Variants in NFILZ observed in about 807,000 individuals in gnomAD.
NFILZ encodes the protein NFIL3 like basic leucine zipper, also known as NFIL3 like protein.
intron 3 of NFILZ, among the ~76,000 whole-genome samples, chr19:8,670,966 G>A (rs186971261): frequency 1.0e-3 from 145 of 145,634 alleles, no homozygotes; most frequent in African/African-American, 3.5e-3. Flanking sequence ...CTGCACTCCA[G>A]CCTGGGTGAC....
intron 3 of NFILZ, among the ~76,000 whole-genome samples, chr19:8,659,296 T>C (rs1036196289): frequency 6.6e-6 from 1 of 152,016 alleles, no homozygotes; most frequent in Non-Finnish European, 1.5e-5. Context: ...AATGAAATAA[T>C]TACACAGATA....
At position 8,670,399 on chromosome 19, in the gene NFILZ, G is replaced by A. The variant is rs146796107; in HGVS notation, c.-163-4152G>A. The stretch of plus-strand genomic sequence containing the variant: ...TTATGGGTGTGAGCCATTGCACCTG[G>A]CCCCATATTTTTTAGAATAAACCAT... On this transcript the variant is annotated intron_variant, in intron 3 of 5. Coordinates refer to ENST00000691075, the MANE Select transcript of NFILZ (RefSeq NM_001378600.1). 5.0e-3 allele frequency among the ~76,000 whole-genome samples: 754 copies of A among 152,222 alleles called. 3 individuals carry two copies. Among genetic ancestry groups the A allele is most frequent in the African/African-American group, 0.017 (726 of 41,526 alleles).
chr19:8,632,278 G>GTGTGTGTC (rs537843301), intron 1 of NFILZ, among the ~76,000 whole-genome samples, 198 bp from the exon 2 acceptor site: 47 of 148,692 alleles, frequency 3.2e-4, no homozygotes, highest in African/African-American at 1.1e-3. Flanking sequence ...GTGTGTGTCA[G>GTGTGTGTC]GGGGTTATTT....
chr19:8,667,161 C>CAAGGA (rs1244896351), intron 3 of NFILZ, among the ~76,000 whole-genome samples: 3 of 152,022 alleles, frequency 2.0e-5, no homozygotes, highest in Admixed American at 6.6e-5. Flanking sequence ...CCTTACAATG[C>CAAGGA]AAGGAAAGAA....
intron 3 of NFILZ, among the ~76,000 whole-genome samples, chr19:8,660,169 T>C (rs1555748928): frequency 6.6e-6 from 1 of 152,186 alleles, no homozygotes; most frequent in Non-Finnish European, 1.5e-5. Flanking sequence ...CAAACCCACC[T>C]GTGACTAGCT....
intron 3 of NFILZ, among the ~76,000 whole-genome samples, chr19:8,641,551 TC>T (rs1176050073): frequency 4.6e-5 from 7 of 152,314 alleles, no homozygotes; most frequent in African/African-American, 1.7e-4. Flanking sequence ...GTTCATAACC[TC>T]TGATCTAGCT....
At chr19:8,639,140 G>A (rs1183371918) in intron 3 of NFILZ, among the ~76,000 whole-genome samples, 1 of 151,804 alleles carries the variant, frequency 6.6e-6, no homozygotes, top group Non-Finnish European at 1.5e-5. Flanking sequence ...CACTGAGCCC[G>A]GCCTACTTGG....
chr19:8,664,529 C>T (rs2043052965), intron 3 of NFILZ, among the ~76,000 whole-genome samples: 2 of 152,118 alleles, frequency 1.3e-5, no homozygotes, highest in Non-Finnish European at 2.9e-5. Flanking sequence ...TGCATTTTCC[C>T]CTTGAAGACT....
At chr19:8,641,421 T>C (rs1418903659) in intron 3 of NFILZ, among the ~76,000 whole-genome samples, 2 of 152,194 alleles carry the variant, frequency 1.3e-5, no homozygotes, top group African/African-American at 4.8e-5. Flanking sequence ...TAAAGACCAC[T>C]GCTGGCCCAT....
At chr19:8,645,639 G>A (rs1484749254) in intron 3 of NFILZ, among the ~76,000 whole-genome samples, 1 of 152,192 alleles carries the variant, frequency 6.6e-6, no homozygotes, top group Non-Finnish European at 1.5e-5. Flanking sequence ...TTTCTTGGGA[G>A]CAATTGAAAG....
chr19:8,637,668 A>G (rs2042900756), intron 3 of NFILZ, among the ~76,000 whole-genome samples: 1 of 148,978 alleles, frequency 6.7e-6, no homozygotes, highest in South Asian at 2.1e-4. Flanking sequence ...GCACTTTGGG[A>G]GGCTGAGGCA....
Position 8,679,383 on chromosome 19 carries a change from C to T in NFILZ, c.*1748C>T, listed in dbSNP as rs1482487382. 6.6e-6 allele frequency among the ~76,000 whole-genome samples: 1 copy of T among 151,914 alleles called. No individual in the cohort carries two copies. The highest frequency in any genetic ancestry group is 2.4e-5 in the African/African-American group (1 of 41,304). ...GGGAGAGCTCATGGGATGGGGGGCT[C>T]ATCTGGACTGGTACTGACACTGAGA... On this transcript the variant is annotated 3_prime_UTR_variant, in exon 6 of 6. Transcript: ENST00000691075.
chr19:8,645,460 C>A (rs2042935328), intron 3 of NFILZ, among the ~76,000 whole-genome samples: 1 of 152,006 alleles, frequency 6.6e-6, no homozygotes, highest in Non-Finnish European at 1.5e-5. Context: ...TTTTTCTGAT[C>A]ATGTTGTCCC....
At position 8,678,046 on chromosome 19, in the gene NFILZ, A is replaced by ACTTG. The variant is rs2043120785; in HGVS notation, c.*411_*412insCTTG. Among the ~76,000 whole-genome samples, 1 of 41,456 alleles carries ACTTG rather than the reference A, an allele frequency of 2.4e-5. No individual in the cohort carries two copies. Among genetic ancestry groups the ACTTG allele is most frequent in the Non-Finnish European group, 5.0e-5 (1 of 19,988 alleles). The allele number at this position is 41,456 out of a possible 152,430, so 27.2% of individuals were successfully genotyped here. A position where few individuals can be genotyped will look rare whatever the true frequency, so the allele number is the denominator to read the frequency against. On this transcript the variant is annotated 3_prime_UTR_variant, in exon 6 of 6. Coordinates refer to ENST00000691075, the MANE Select transcript of NFILZ (RefSeq NM_001378600.1). ...TATCCATCTATCCATCCATCCATCC[A>ACTTG]TCCATCCACCCATCTATTCATCCAT...
At chr19:8,648,852 T>TA (rs71179876) in intron 3 of NFILZ, among the ~76,000 whole-genome samples, 13,295 of 139,102 alleles carry the variant, frequency 0.096, 997 homozygotes, top group East Asian at 0.43. Context: ...AGACTCTGCT[T>TA]AAAAAAAAAA....
rs1338256739 is a variant in NFILZ at position 8,663,760 on chromosome 19, G to A, written c.-163-10791G>A. Among the ~76,000 whole-genome samples the A allele has an allele frequency of 2.8e-3, 381 of 136,032 alleles. 1 individual carries two copies. The highest frequency in any genetic ancestry group is 0.021 in the Middle Eastern group (6 of 292). The allele number at this position is 136,032 out of a possible 152,430, so 89.2% of individuals were successfully genotyped here. On this transcript the variant is annotated intron_variant, in intron 3 of 5. Transcript: ENST00000691075. ...TGTGTGTGTGTGTGTGTGTGTGTGT[G>A]TGTGTGTGTGTATGTATGTGTGTTT... is the stretch of plus-strand genomic sequence containing the variant.
rs2042932400 is a variant in NFILZ at position 8,644,853 on chromosome 19, G to A, written c.-164+9107G>A. The stretch of plus-strand genomic sequence containing the variant: ...ATGATCTCGGCTTACCACAACCTCC[G>A]CTTCCCTGGTTCAGAGGATTCTCCT... On this transcript the variant is annotated intron_variant, in intron 3 of 5. Coordinates refer to ENST00000691075, the MANE Select transcript of NFILZ (RefSeq NM_001378600.1). Among the ~76,000 whole-genome samples the A allele has an allele frequency of 2.7e-5, 4 of 150,044 alleles. 1 individual carries two copies. Among genetic ancestry groups the A allele is most frequent in the African/African-American group, 9.8e-5 (4 of 40,680 alleles).
At chr19:8,661,291 T>A (rs2043030977) in intron 3 of NFILZ, among the ~76,000 whole-genome samples, 1 of 151,334 alleles carries the variant, frequency 6.6e-6, no homozygotes, top group Admixed American at 6.6e-5. Flanking sequence ...GCCTCCCAAG[T>A]AGTTGGAACT....
chr19:8,644,133 C>T (rs1254818545), intron 3 of NFILZ, among the ~76,000 whole-genome samples: 5 of 152,140 alleles, frequency 3.3e-5, no homozygotes, highest in African/African-American at 1.2e-4. Flanking sequence ...TGGAGTCCTG[C>T]TCTGTTACCC....
Sources: gnomAD v4.1 joint callset for allele counts (sites outside exome capture counted in the v4.1 genomes callset) on GRCh38, gnomAD v4.1.1 for gene constraint, MANE v1.5 for transcripts, NCBI Gene and HGNC (gene_info 2026-07-23, HGNC 2026-07-21) for gene names.